CCDC7: variants seen among roughly 807,000 people sequenced by gnomAD.
CCDC7 encodes coiled-coil domain containing 7.
Under a neutral mutation model 196.9 loss-of-function variants are expected in CCDC7, and 183 were observed. That is an observed-to-expected ratio of 0.93 (90% CI 0.82 to 1.05). The LOEUF (loss-of-function observed/expected upper bound fraction) is 1.05. Ranked by LOEUF, CCDC7 falls within the 50% of genes least tolerant of loss-of-function variation. The pLI, the probability that CCDC7 is intolerant of heterozygous loss-of-function variation, is 0.00. For missense variants in CCDC7, 1,540 were observed against 1,482.2 expected, an observed-to-expected ratio of 1.04 and a Z score of -0.64; for synonymous variants, 525 against 484.6, an observed-to-expected ratio of 1.08 and a Z score of -1.10.
chr10:32,661,973 G>A (rs2071567091), intron 20 of CCDC7, among the ~76,000 whole-genome samples: 1 of 152,052 alleles, frequency 6.6e-6, no homozygotes, highest in African/African-American at 2.4e-5. Context: ...GGCCTATATT[G>A]CCTTTGAAGT....
chr10:32,595,973 A>G (rs949365357), intron 18 of CCDC7, among the ~76,000 whole-genome samples: 1 of 152,156 alleles, frequency 6.6e-6, no homozygotes, highest in South Asian at 2.1e-4. Context: ...CTATGTGGTC[A>G]ATTTTGGAAT....
chr10:32,753,245 A>T (rs559019627), intron 28 of CCDC7, among the ~76,000 whole-genome samples: 1 of 152,290 alleles, frequency 6.6e-6, no homozygotes, highest in East Asian at 1.9e-4. Context: ...AGTGTGTAAA[A>T]TATTAGCAAA....
chr10:32,704,421 T>G (rs2079331184), intron 24 of CCDC7, among the ~76,000 whole-genome samples: 2 of 152,104 alleles, frequency 1.3e-5, no homozygotes, highest in Non-Finnish European at 2.9e-5. Context: ...TTTTCCCTAC[T>G]GGGGGGTGCC....
At chr10:32,563,576 C>T (rs1589935533) in intron 13 of CCDC7, among the ~76,000 whole-genome samples, 2 of 152,124 alleles carry the variant, frequency 1.3e-5, no homozygotes, top group Admixed American at 6.5e-5. Flanking sequence ...ATAAATGGTG[C>T]TGGGAATACT....
At chr10:32,509,089 A>G (rs921069460) in intron 9 of CCDC7, among the ~76,000 whole-genome samples, 27 of 150,888 alleles carry the variant, frequency 1.8e-4, no homozygotes, top group Non-Finnish European at 2.5e-4. Flanking sequence ...ACCTGCCTCA[A>G]CCTCCCAAAG....
chr10:32,642,851 G>T (rs532544645), intron 20 of CCDC7, among the ~76,000 whole-genome samples: 5 of 152,248 alleles, frequency 3.3e-5, no homozygotes, highest in African/African-American at 1.2e-4. Context: ...CTAGAGTATG[G>T]ATGATGAATT....
intron 23 of CCDC7, among the ~76,000 whole-genome samples, chr10:32,691,190 T>C (rs1300752044): frequency 6.6e-6 from 1 of 152,226 alleles, no homozygotes; most frequent in Non-Finnish European, 1.5e-5. Flanking sequence ...TGGAGGGTTC[T>C]CTGATTGATT....
intron 19 of CCDC7, 40 bp downstream of exon 20, chr10:32,634,404 T>G: frequency 1.1e-6 from 1 of 934,056 alleles, no homozygotes; most frequent in African/African-American, 1.7e-5. Flanking sequence ...ACTATTTTAT[T>G]TTTATTTTTT....
chr10:32,461,874 T>A (rs2035828307), intron 3 of CCDC7, among the ~76,000 whole-genome samples: 1 of 151,028 alleles, frequency 6.6e-6, no homozygotes, highest in African/African-American at 2.4e-5. Context: ...CGGGTTCAAG[T>A]GATTCTTCTG....
At chr10:32,481,483 G>T (rs1374892731) in intron 8 of CCDC7, among the ~76,000 whole-genome samples, 1 of 151,914 alleles carries the variant, frequency 6.6e-6, no homozygotes, top group Non-Finnish European at 1.5e-5. Context: ...ATTTTATATT[G>T]AATTTTATTA....
At chr10:32,752,758 C>G (rs1160104936) in intron 28 of CCDC7, among the ~76,000 whole-genome samples, 1 of 152,136 alleles carries the variant, frequency 6.6e-6, no homozygotes, top group East Asian at 1.9e-4. Flanking sequence ...TATCTGTACC[C>G]ATAAGATTTC....
chr10:32,867,221 G>A (rs2094231911), intron 41 of CCDC7, among the ~76,000 whole-genome samples: 1 of 151,520 alleles, frequency 6.6e-6, no homozygotes, highest in African/African-American at 2.4e-5. Flanking sequence ...GGTAAGTTGA[G>A]TCAATGTTAA....
chr10:32,879,727 C>T (rs1374398041), downstream of CCDC7, among the ~76,000 whole-genome samples: 2 of 145,140 alleles, frequency 1.4e-5, no homozygotes, highest in African/African-American at 5.1e-5. Context: ...ACAATAGGCC[C>T]CACTGTGTGT....
chr10:32,597,374 G>T (rs944162040), intron 18 of CCDC7, among the ~76,000 whole-genome samples: 7 of 152,124 alleles, frequency 4.6e-5, no homozygotes, highest in Admixed American at 3.3e-4. Context: ...GCTCCATCAA[G>T]TCATTTAAGG....
intron 29 of CCDC7, among the ~76,000 whole-genome samples, chr10:32,796,401 A>G (rs1413995516): frequency 3.3e-5 from 5 of 152,202 alleles, no homozygotes; most frequent in Non-Finnish European, 7.4e-5. Flanking sequence ...TTGCTCACAG[A>G]TAATTCTGCT....
intron 30 of CCDC7, among the ~76,000 whole-genome samples, chr10:32,805,874 C>A (rs1277033203): frequency 6.6e-6 from 1 of 152,138 alleles, no homozygotes; most frequent in East Asian, 1.9e-4. Context: ...AGAGGCTGTA[C>A]AAGCATAGTG....
intron 11 of CCDC7, among the ~76,000 whole-genome samples, chr10:32,540,331 T>A (rs1479379917): frequency 6.6e-6 from 1 of 152,218 alleles, no homozygotes; most frequent in African/African-American, 2.4e-5. Context: ...TGCCTGAAAT[T>A]AGGTTTGCAA....
chr10:32,563,268 A>G (rs2056106045), intron 13 of CCDC7, among the ~76,000 whole-genome samples: 1 of 152,150 alleles, frequency 6.6e-6, no homozygotes, highest in Non-Finnish European at 1.5e-5. Flanking sequence ...CCAGCTACCA[A>G]TGACTTTCTT....
At position 32,708,868 on chromosome 10, in the gene CCDC7, T is replaced by A. The variant is rs182728163; in HGVS notation, c.2459-2752T>A. On this transcript the variant is annotated intron_variant, in intron 24 of 41. Transcript: ENST00000639629. ...AGAAATAGGAACACTTTTACACTGC[T>A]GATGGGACTGTAAACTAGTTCAACC... Among the ~76,000 whole-genome samples the A allele has an allele frequency of 2.0e-5, 3 of 152,366 alleles. No individual in the cohort carries two copies. The East Asian group carries it at 5.8e-4, about 29-fold the overall frequency.
Sources: gnomAD v4.1 joint callset for allele counts (sites outside exome capture counted in the v4.1 genomes callset) on GRCh38, gnomAD v4.1.1 for gene constraint, MANE v1.5 for transcripts, NCBI Gene and HGNC (gene_info 2026-07-23, HGNC 2026-07-21) for gene names.